PCDH10: variants seen among roughly 807,000 people sequenced by gnomAD.
PCDH10 encodes protocadherin 10.
In PCDH10, 15 loss-of-function variants were observed where a neutral mutation model predicts 74.4. The observed-to-expected ratio is 0.20, with a 90% CI of 0.13 to 0.31. The LOEUF (loss-of-function observed/expected upper bound fraction) is 0.31, where lower values mean the gene tolerates loss of function less well. PCDH10 is among the 10% of genes least tolerant of loss of function. PCDH10 has a pLI of 1.00. For synonymous variants in PCDH10, 619 were observed against 589.8 expected (o/e 1.05, Z -0.72); for missense variants, 1,260 against 1,390.2 (o/e 0.91, Z 1.49).
intron 4 of PCDH10, among the ~76,000 whole-genome samples, chr4:133,182,882 T>G (rs570837351): frequency 6.6e-6 from 1 of 152,258 alleles, no homozygotes; most frequent in African/African-American, 2.4e-5. Flanking sequence ...TTAGAGAAAC[T>G]TGAACTAAGT....
At chr4:133,164,428 A>G (rs187351235) in intron 4 of PCDH10, among the ~76,000 whole-genome samples, 222 of 152,152 alleles carry the variant, frequency 1.5e-3, no homozygotes, top group Non-Finnish European at 2.8e-3. Context: ...TAAACAGCAT[A>G]TTTAACTACT....
chr4:133,198,325 T>A (rs1417850709), downstream of PCDH10, among the ~76,000 whole-genome samples: 1 of 151,968 alleles, frequency 6.6e-6, no homozygotes, highest in East Asian at 1.9e-4. Flanking sequence ...GAATGAGAGA[T>A]GTGTGTGAGA....
intron 4 of PCDH10, among the ~76,000 whole-genome samples, chr4:133,174,005 A>C (rs551950470): frequency 7.9e-5 from 12 of 151,960 alleles, no homozygotes; most frequent in Admixed American, 7.2e-4. Flanking sequence ...AAGTCAGTTT[A>C]CTCTAGATGA....
intron 3 of PCDH10, among the ~76,000 whole-genome samples, chr4:133,161,306 T>A: frequency 6.6e-6 from 1 of 152,268 alleles, no homozygotes; most frequent in Non-Finnish European, 1.5e-5. Flanking sequence ...GCAGTGAGAT[T>A]AATATATGAT....
intron 3 of PCDH10, among the ~76,000 whole-genome samples, chr4:133,155,617 T>G (rs1437437982): frequency 6.6e-6 from 1 of 152,222 alleles, no homozygotes; most frequent in Non-Finnish European, 1.5e-5. Context: ...TAATGTGTAT[T>G]TTTTGAAGTG....
At chr4:133,185,471 G>A (rs986487983) in intron 4 of PCDH10, among the ~76,000 whole-genome samples, 16 of 152,076 alleles carry the variant, frequency 1.1e-4, no homozygotes, top group Non-Finnish European at 7.4e-5. Flanking sequence ...TTAAAAAAAT[G>A]GATTAACTGT....
intron 4 of PCDH10, among the ~76,000 whole-genome samples, chr4:133,169,821 T>G (rs1237848757): frequency 6.6e-6 from 1 of 151,960 alleles, no homozygotes; most frequent in Non-Finnish European, 1.5e-5. Context: ...TGCCAGACAT[T>G]TTTTGGGTGA....
rs115793740 is a variant in PCDH10 at position 133,151,423 on chromosome 4, C to T, written c.1283C>T (p.Ser428Phe). ...CCCCTGGACCGAGAGGCGGGGGACTCCTACACCCTGACTGTAGTGGCTCGG... is the reference window on the plus strand; with the variant it reads ...CCCCTGGACCGAGAGGCGGGGGACTTCTACACCCTGACTGTAGTGGCTCGG... ...EAPLDREAGDSYTLTVVARDR... is the reference protein window; with the variant it reads ...EAPLDREAGDFYTLTVVARDR... The change falls in exon 1 of 5, where the codon TCC (serine) becomes TTC (phenylalanine). Residue 428 changes from serine (S) to phenylalanine (F), a missense_variant. Ser to Phe is a radical substitution (Grantham distance 155, BLOSUM62 -2). Coordinates refer to ENST00000264360, the MANE Select transcript of PCDH10 (RefSeq NM_032961.3). The T allele has an allele frequency of 1.8e-4, 296 of 1,614,064 alleles. 2 individuals carry two copies. In the African/African-American group the frequency reaches 3.7e-3, roughly 20 times the overall value.
chr4:133,204,186 C>A (rs532519408), intron 2 of PCDH10, among the ~76,000 whole-genome samples: 1 of 152,284 alleles, frequency 6.6e-6, no homozygotes, highest in African/African-American at 2.4e-5. Flanking sequence ...AAGGTGGCTA[C>A]CCTTGCCTGA....
intron 3 of PCDH10, among the ~76,000 whole-genome samples, chr4:133,159,177 A>T (rs1726918206): frequency 6.6e-6 from 1 of 152,118 alleles, no homozygotes. Flanking sequence ...ACAAAAAGAA[A>T]TGTTCACGCA....
Position 133,149,959 on chromosome 4 carries a change from G to T in PCDH10, c.-182G>T. On this transcript the variant is annotated 5_prime_UTR_variant, in exon 1 of 5. Transcript: ENST00000264360. ...TAAGATTTAAAAAAAAATGAGGCTG[G>T]ATTGCGGGAAGCTCTAAAATGAAGC... 1 of 777,150 alleles carries T rather than the reference G, an allele frequency of 1.3e-6. No homozygotes were observed. The highest frequency in any genetic ancestry group is 1.8e-6 in the Non-Finnish European group (1 of 544,894). The allele number at this position is 777,150 out of a possible 1,614,324, so 48.1% of individuals were successfully genotyped here.
chr4:133,180,335 A>G (rs1453289239), intron 4 of PCDH10, among the ~76,000 whole-genome samples: 1 of 152,078 alleles, frequency 6.6e-6, no homozygotes, highest in East Asian at 1.9e-4. Context: ...CTGTATACCT[A>G]TGGCTGGAGG....
downstream of PCDH10, among the ~76,000 whole-genome samples, chr4:133,195,826 GATATATATAC>G (rs1412140607): frequency 2.6e-5 from 4 of 151,908 alleles, no homozygotes; most frequent in Non-Finnish European, 4.4e-5. Context: ...ACTTTTTTCA[GATATATATAC>G]ATATATAAAA....
chr4:133,198,172 G>A (rs1312387627), downstream of PCDH10, among the ~76,000 whole-genome samples: 2 of 152,048 alleles, frequency 1.3e-5, no homozygotes, highest in Non-Finnish European at 1.5e-5. Flanking sequence ...GCTGGCATGG[G>A]CTTTTCAACC....
In PCDH10 at chr4:133,180,756, TATA is replaced by T. The variant is rs777082187; in HGVS notation, c.3104-9379_3104-9377del. 1.2e-4 allele frequency among the ~76,000 whole-genome samples: 19 copies of T among 152,102 alleles called. No homozygotes were observed. In the South Asian group the frequency reaches 3.1e-3, roughly 25 times the overall value. Reference sequence around the variant, plus strand: ...TTACTTTGCTATGTAATTAAATGTTTATAATAATTAAGATGATCTCTAATTCAA... The same window carrying T: ...TTACTTTGCTATGTAATTAAATGTTTATAATTAAGATGATCTCTAATTCAA... On this transcript the variant is annotated intron_variant, in intron 4 of 4. Coordinates refer to ENST00000264360, the MANE Select transcript of PCDH10 (RefSeq NM_032961.3).
chr4:133,177,159 A>G (rs79122388), intron 4 of PCDH10, among the ~76,000 whole-genome samples: 2,229 of 152,212 alleles, frequency 0.015, 29 homozygotes, highest in Non-Finnish European at 0.022. Flanking sequence ...AATGAAAGCC[A>G]TCTGTTAGTA....
Position 133,151,524 on chromosome 4 carries a change from CGTTTCA to C in PCDH10, c.1386_1391del (p.Phe463_Ser464del). 6.2e-7 allele frequency: 1 copy of C among 1,614,128 alleles called. No homozygotes were observed. Among genetic ancestry groups the C allele is most frequent in the Non-Finnish European group, 8.5e-7 (1 of 1,180,038 alleles). ...GTCGGATGTGAACGACAACGCGCCG[CGTTTCA>C]GCCAGCCGGTCTACGACGTGTATGT... On this transcript the variant is annotated inframe_deletion, in exon 1 of 5. Coordinates refer to ENST00000264360, the MANE Select transcript of PCDH10 (RefSeq NM_032961.3).
intron 3 of PCDH10, among the ~76,000 whole-genome samples, chr4:133,159,397 C>T (rs1406845585): frequency 2.0e-5 from 3 of 151,904 alleles, no homozygotes; most frequent in African/African-American, 7.2e-5. Flanking sequence ...CCTTGCAGAA[C>T]AGATTATTTC....
chr4:133,163,865 A>C (rs1375594552), intron 4 of PCDH10: 3 of 436,898 alleles, frequency 6.9e-6, no homozygotes, highest in East Asian at 1.4e-4. Context: ...GAAAAGTAAA[A>C]GAGTTTTTAA....
Sources: gnomAD v4.1 joint callset for allele counts (sites outside exome capture counted in the v4.1 genomes callset) on GRCh38, gnomAD v4.1.1 for gene constraint, MANE v1.5 for transcripts, NCBI Gene and HGNC (gene_info 2026-07-23, HGNC 2026-07-21) for gene names.